The following KIAA0825 variants were observed in gnomAD, a reference collection of about 807,000 sequenced individuals.
KIAA0825 encodes KIAA0825.
In KIAA0825, 119 loss-of-function variants were observed where a neutral mutation model predicts 147.6. That is an observed-to-expected ratio of 0.81 (90% CI 0.69 to 0.94). The LOEUF (loss-of-function observed/expected upper bound fraction) is 0.94, where lower values mean the gene tolerates loss of function less well. KIAA0825 is among the 40% of genes least tolerant of loss of function. The pLI, the probability that KIAA0825 is intolerant of heterozygous loss-of-function variation, is 0.00. For synonymous variants in KIAA0825, 470 were observed against 518.1 expected, an observed-to-expected ratio of 0.91 and a Z score of 1.26; for missense variants, 1,381 against 1,472.7, an observed-to-expected ratio of 0.94 and a Z score of 1.02.
intron 20 of KIAA0825, among the ~76,000 whole-genome samples, chr5:94,191,687 TAA>T (rs1440523630): frequency 1.6e-4 from 25 of 152,366 alleles, no homozygotes; most frequent in African/African-American, 5.8e-4. Flanking sequence ...ACTCTATGAT[TAA>T]GTTTCTCCAA....
In KIAA0825 at chr5:94,430,397, C is replaced by CA. The variant is rs763255493; in HGVS notation, c.2497+9584dup. On this transcript the variant is annotated intron_variant, in intron 14 of 20. Transcript: ENST00000682413. ...CTCAGAAGAATATTACTTCTTATTT[C>CA]AAAAAAAATCATCCTCACAAAGTCT... is the stretch of plus-strand genomic sequence containing the variant. 6.7e-3 allele frequency among the ~76,000 whole-genome samples: 1,011 copies of CA among 151,836 alleles called. 7 individuals carry two copies. Among genetic ancestry groups the CA allele is most frequent in the Admixed American group, 0.013 (200 of 15,228 alleles).
Position 94,250,883 on chromosome 5 carries a change from C to A in KIAA0825, c.3711-96759G>T, listed in dbSNP as rs571259409. Among the ~76,000 whole-genome samples the A allele has an allele frequency of 6.6e-5, 10 of 152,188 alleles. 1 individual carries two copies. The highest frequency in any genetic ancestry group is 2.4e-4 in the African/African-American group (10 of 41,552). ...CGTTTGCAATTTAAAATATAATTCTCCATAATGAAAATGTAAAGCAGTCGT... is the reference window on the plus strand; with the variant it reads ...CGTTTGCAATTTAAAATATAATTCTACATAATGAAAATGTAAAGCAGTCGT... On this transcript the variant is annotated intron_variant, in intron 20 of 20. Coordinates refer to ENST00000682413, the MANE Select transcript of KIAA0825 (RefSeq NM_001145678.3).
chr5:94,543,640 CT>C (rs1214759346), intron 2 of KIAA0825, among the ~76,000 whole-genome samples: 1 of 152,136 alleles, frequency 6.6e-6, no homozygotes, highest in East Asian at 1.9e-4. Context: ...CCTATTCAGC[CT>C]GAAGAAGTTA....
intron 20 of KIAA0825, among the ~76,000 whole-genome samples, chr5:94,351,505 C>T (rs1193094247): frequency 2.0e-5 from 3 of 152,170 alleles, no homozygotes; most frequent in Admixed American, 1.3e-4. Flanking sequence ...GTGAAAGTGA[C>T]TATACTGCCA....
In KIAA0825 at chr5:94,416,899, C is replaced by A. The variant is rs375147944; in HGVS notation, c.2662+302G>T. 32 of 231,334 alleles carry A rather than the reference C, an allele frequency of 1.4e-4. No homozygotes were observed. In the East Asian group the frequency reaches 2.7e-3, roughly 19 times the overall value. The allele number at this position is 231,334 out of a possible 1,614,324, so 14.3% of individuals were successfully genotyped here. On this transcript the variant is annotated intron_variant, in intron 15 of 20. Transcript: ENST00000682413. Reference sequence around the variant, plus strand: ...TACTAATATCTTATATGCTCAATAGCAAAACATAATCTGTGATAAATATTA... The same window carrying A: ...TACTAATATCTTATATGCTCAATAGAAAAACATAATCTGTGATAAATATTA...
chr5:94,517,011 G>C (rs997400131), intron 5 of KIAA0825, among the ~76,000 whole-genome samples: 2 of 152,166 alleles, frequency 1.3e-5, no homozygotes, highest in Non-Finnish European at 2.9e-5. Context: ...TGAGGCAGGA[G>C]AATCGCTTGA....
chr5:94,390,140 T>C lies in KIAA0825; in HGVS notation c.3456+1395A>G, dbSNP rs529336510. Among the ~76,000 whole-genome samples the C allele has an allele frequency of 2.6e-5, 4 of 152,334 alleles. No individual in the cohort carries two copies. The South Asian group carries it at 8.3e-4, about 32-fold the overall frequency. ...CGGATAACTGATGGCCAATAAGTAGTCAATTCAATTTTGGATGATATTGCT... is the reference window on the plus strand; with the variant it reads ...CGGATAACTGATGGCCAATAAGTAGCCAATTCAATTTTGGATGATATTGCT... On this transcript the variant is annotated intron_variant, in intron 18 of 20. Coordinates refer to ENST00000682413, the MANE Select transcript of KIAA0825 (RefSeq NM_001145678.3).
intron 20 of KIAA0825, among the ~76,000 whole-genome samples, chr5:94,208,880 G>A (rs1772445526): frequency 6.6e-6 from 1 of 152,210 alleles, no homozygotes; most frequent in Non-Finnish European, 1.5e-5. Context: ...TACAAGAATA[G>A]GTAGTTTTCA....
chr5:94,471,875 A>G (rs995278696), intron 8 of KIAA0825, 144 bp from the exon 9 acceptor site: 9 of 730,896 alleles, frequency 1.2e-5, no homozygotes, highest in Non-Finnish European at 2.0e-5. Context: ...TCGATTTCTC[A>G]GTTGTAGAAA....
intron 20 of KIAA0825, among the ~76,000 whole-genome samples, chr5:94,302,643 T>C (rs980046240): frequency 1.3e-5 from 2 of 152,152 alleles, no homozygotes; most frequent in Non-Finnish European, 2.9e-5. Flanking sequence ...CTTTATTAAA[T>C]ATGATTTTTA....
rs1368086296 is a variant in KIAA0825 at position 94,520,470 on chromosome 5, T to A, written c.748A>T (p.Lys250Ter). 6.2e-7 allele frequency: 1 copy of A among 1,612,800 alleles called. No individual in the cohort carries two copies. Among genetic ancestry groups the A allele is most frequent in the East Asian group, 2.2e-5 (1 of 44,838 alleles). Residue 250 changes from lysine to a stop codon, truncating the protein, a stop_gained, in exon 5 of 21, where the codon AAG becomes TAG. Transcript: ENST00000682413. LOFTEE classifies it high-confidence loss of function. Reference protein sequence around the residue: ...IAHGYQSTMLKLYSVIKEDFN... With the variant: ...IAHGYQSTML ...TCCTCTTTTATTACTGAGTATAACT[T>A]AAGCATTGTACTTTGATATCCATGA...
chr5:94,298,120 ACCTGTAATCCCAGCTGTTTGG>A (rs1258634147), intron 20 of KIAA0825, among the ~76,000 whole-genome samples: 5 of 151,504 alleles, frequency 3.3e-5, no homozygotes, highest in African/African-American at 1.2e-4. Context: ...GGTGGTGGGC[ACCTGTAATCCCAGCTGTTTGG>A]GAGGCTGAGG....
At chr5:94,488,836 T>A (rs1428782004) in intron 5 of KIAA0825, among the ~76,000 whole-genome samples, 1 of 152,212 alleles carries the variant, frequency 6.6e-6, no homozygotes, top group Admixed American at 6.5e-5. Context: ...CAAGGCTAAT[T>A]AGTATATTAA....
chr5:94,328,952 A>G (rs186417661), intron 20 of KIAA0825, among the ~76,000 whole-genome samples: 1 of 152,120 alleles, frequency 6.6e-6, no homozygotes, highest in Non-Finnish European at 1.5e-5. Context: ...TTCTAAAGTA[A>G]ATTTTATTGT....
rs1766432206 is a variant in KIAA0825, at chr5:94,150,907, A to G, written c.*3100T>C. On this transcript the variant is annotated 3_prime_UTR_variant, in exon 21 of 21. Coordinates refer to ENST00000682413, the MANE Select transcript of KIAA0825 (RefSeq NM_001145678.3). ...AAAAATTATTTCATACTGTTTTCAC[A>G]TAGTAACTGCTAAACCAATAATAAA... 6.6e-6 allele frequency among the ~76,000 whole-genome samples: 1 copy of G among 152,176 alleles called. No homozygotes were observed. The highest frequency in any genetic ancestry group is 1.5e-5 in the Non-Finnish European group (1 of 68,030).
At chr5:94,443,032 G>A (rs111325230) in intron 13 of KIAA0825, among the ~76,000 whole-genome samples, 1,631 of 152,130 alleles carry the variant, frequency 0.011, 34 homozygotes, top group African/African-American at 0.037. Context: ...ACTTTATGCC[G>A]CTGTATCTGA....
At chr5:94,400,824 T>A (rs1398347958) in intron 16 of KIAA0825, among the ~76,000 whole-genome samples, 1 of 152,124 alleles carries the variant, frequency 6.6e-6, no homozygotes, top group Non-Finnish European at 1.5e-5. Flanking sequence ...TCTTTAAATC[T>A]TCAGTGTTTT....
At chr5:94,562,460 G>A (rs1040797123) in intron 2 of KIAA0825, among the ~76,000 whole-genome samples, 1 of 152,206 alleles carries the variant, frequency 6.6e-6, no homozygotes. Flanking sequence ...GAGAGTGTCA[G>A]TGTCAATTTT....
chr5:94,342,957 A>G (rs531471645), intron 20 of KIAA0825, among the ~76,000 whole-genome samples: 2 of 152,300 alleles, frequency 1.3e-5, no homozygotes, highest in South Asian at 4.1e-4. Context: ...TGTACCAAAA[A>G]AGAGAAAACA....
Sources: allele counts gnomAD v4.1 joint callset (sites outside exome capture counted in the v4.1 genomes callset), GRCh38; gene constraint gnomAD v4.1.1; transcripts MANE v1.5; gene names NCBI Gene and HGNC (gene_info 2026-07-23, HGNC 2026-07-21).